Variants in RBM26 observed in about 807,000 individuals in gnomAD.
The protein encoded by RBM26 is RNA binding motif protein 26.
In RBM26, 30 loss-of-function variants were observed where a neutral mutation model predicts 123.6. The ratio of observed to expected loss-of-function variants is 0.24; its 90% CI spans 0.18 to 0.33. The LOEUF is 0.33. Among genes scored for constraint, RBM26 ranks in the 10% least tolerant of loss-of-function variants. The probability of loss-of-function intolerance (pLI) is 1.00; values close to 1 mark genes in which losing one functional copy is unlikely to be tolerated. For synonymous variants in RBM26, 400 were observed against 404.4 expected (o/e 0.99, Z 0.13); for missense variants, 947 against 1,203.6 (o/e 0.79, Z 3.15).
intron 13 of RBM26, among the ~76,000 whole-genome samples, chr13:79,354,012 T>TCC: frequency 6.6e-6 from 1 of 152,324 alleles, no homozygotes; most frequent in East Asian, 1.9e-4. Flanking sequence ...ACTTGATGGT[T>TCC]TAAGCCTTCC....
rs1002995746 is a variant in RBM26, at chr13:79,405,862, G to A, written c.-88C>T. The A allele has an allele frequency of 2.1e-5, 16 of 765,986 alleles. No individual in the cohort carries two copies. In the Admixed American group the frequency reaches 7.1e-4, roughly 34 times the overall value. 47.4% of individuals were successfully genotyped at this position (765,986 alleles called of 1,614,324 possible). On this transcript the variant is annotated 5_prime_UTR_variant, in exon 1 of 22. Coordinates refer to ENST00000438737, the MANE Select transcript of RBM26 (RefSeq NM_001366735.2). Reference sequence around the variant, plus strand: ...CCGCTGCCCCCGCCCCCTCCTCCGCGCGCCGCCCGCGTGGGCCGCGGTGGG... The same window carrying A: ...CCGCTGCCCCCGCCCCCTCCTCCGCACGCCGCCCGCGTGGGCCGCGGTGGG...
intron 11 of RBM26, among the ~76,000 whole-genome samples, chr13:79,356,836 C>G (rs1046299797): frequency 1.3e-5 from 2 of 151,952 alleles, no homozygotes; most frequent in African/African-American, 4.8e-5. Flanking sequence ...CAAATAGAAG[C>G]AATAGTGAGG....
At chr13:79,380,024 T>C (rs1285498578) in intron 1 of RBM26, among the ~76,000 whole-genome samples, 2 of 151,818 alleles carry the variant, frequency 1.3e-5, no homozygotes, top group Non-Finnish European at 2.9e-5. Context: ...ATTCTAAACA[T>C]GAGCTGGTGT....
chr13:79,372,143 G>C (rs929961837), intron 3 of RBM26, among the ~76,000 whole-genome samples: 1 of 152,148 alleles, frequency 6.6e-6, no homozygotes, highest in Admixed American at 6.6e-5. Context: ...GCTGGGCACA[G>C]TGGCAGGGGC....
chr13:79,316,319 G>T (rs2067152593), downstream of RBM26, among the ~76,000 whole-genome samples: 1 of 151,176 alleles, frequency 6.6e-6, no homozygotes, highest in African/African-American at 2.4e-5. Context: ...GGAGGGAAAA[G>T]AAAACATATT....
At chr13:79,320,997 A>G (rs1291875206) in intron 21 of RBM26, among the ~76,000 whole-genome samples, 4 of 151,252 alleles carry the variant, frequency 2.6e-5, no homozygotes. Context: ...CATCTTCTGT[A>G]CCTTTAAAAT....
At position 79,329,883 on chromosome 13, in the gene RBM26, A is replaced by T. The variant is rs116107087; in HGVS notation, c.2820+4461T>A. Among the ~76,000 whole-genome samples the T allele has an allele frequency of 6.8e-3, 1,040 of 152,280 alleles. 19 individuals carry two copies. The highest frequency in any genetic ancestry group is 0.023 in the African/African-American group (960 of 41,580). Reference sequence around the variant, plus strand: ...TAAGGCTCTATCATTCGAAGAGCCAACCTACGTTAAAACCTAAATGAAAAA... The same window carrying T: ...TAAGGCTCTATCATTCGAAGAGCCATCCTACGTTAAAACCTAAATGAAAAA... On this transcript the variant is annotated intron_variant, in intron 20 of 21. Coordinates refer to ENST00000438737, the MANE Select transcript of RBM26 (RefSeq NM_001366735.2).
At position 79,344,277 on chromosome 13, in the gene RBM26, T is replaced by C. The variant is rs1453006269; in HGVS notation, c.2230A>G (p.Ile744Val). The C allele has an allele frequency of 1.2e-6, 2 of 1,611,252 alleles. No individual in the cohort carries two copies. The highest frequency in any genetic ancestry group is 1.7e-6 in the Non-Finnish European group (2 of 1,177,830). The change falls in exon 16 of 22, where the codon ATT becomes GTT. Residue 744 changes from isoleucine (I) to valine (V), a missense_variant. By Grantham distance (29) the Ile-to-Val change is conservative. Coordinates refer to ENST00000438737, the MANE Select transcript of RBM26 (RefSeq NM_001366735.2). ...TGTGTTTCAATGTGCTTTTCTAAAA[T>C]TTCTTGTTTCCTTTTCCTTACATCC... Reference protein sequence around the residue: ...QQDVRKRKQEILEKHIETQKM... With the variant: ...QQDVRKRKQEVLEKHIETQKM...
At chr13:79,363,361 T>A (rs1164187351) in intron 9 of RBM26, among the ~76,000 whole-genome samples, 2 of 151,990 alleles carry the variant, frequency 1.3e-5, no homozygotes, top group African/African-American at 4.8e-5. Flanking sequence ...AAATTTAAAA[T>A]CCAAACTGGG....
intron 20 of RBM26, among the ~76,000 whole-genome samples, chr13:79,325,842 A>G (rs1330044774): frequency 6.6e-6 from 1 of 152,152 alleles, no homozygotes; most frequent in African/African-American, 2.4e-5. Flanking sequence ...AGTCCTGCAA[A>G]TGCCATTCAT....
rs902645067 is a variant in RBM26, at chr13:79,320,427, T to C, written c.*194A>G. ...TGTGATGTCTTTAGCAATTGTTTACTGAAGTAAAATGCAAACATCAATCTT... is the reference window on the plus strand; with the variant it reads ...TGTGATGTCTTTAGCAATTGTTTACCGAAGTAAAATGCAAACATCAATCTT... On this transcript the variant is annotated 3_prime_UTR_variant, in exon 22 of 22. Transcript: ENST00000438737. 12 of 1,230,820 alleles carry C rather than the reference T, an allele frequency of 9.7e-6. No homozygotes were observed. Among genetic ancestry groups the C allele is most frequent in the Non-Finnish European group, 1.1e-5 (11 of 982,010 alleles). The allele number at this position is 1,230,820 out of a possible 1,614,324, so 76.2% of individuals were successfully genotyped here. A position where few individuals can be genotyped will look rare whatever the true frequency, so the allele number is the denominator to read the frequency against.
intron 14 of RBM26, among the ~76,000 whole-genome samples, chr13:79,350,210 G>A (rs547220499): frequency 6.6e-6 from 1 of 152,226 alleles, no homozygotes; most frequent in African/African-American, 2.4e-5. Flanking sequence ...TCATCATGCA[G>A]AGACCAAGAT....
chr13:79,353,397 A>G (rs1003658357), intron 13 of RBM26, among the ~76,000 whole-genome samples, 173 bp from the exon 14 acceptor site: 7 of 152,220 alleles, frequency 4.6e-5, no homozygotes, highest in African/African-American at 1.4e-4. Flanking sequence ...TGGGAAAACA[A>G]AAATAAACAG....
intron 1 of RBM26, among the ~76,000 whole-genome samples, chr13:79,390,060 T>C (rs2077814754): frequency 6.6e-6 from 1 of 152,176 alleles, no homozygotes; most frequent in Non-Finnish European, 1.5e-5. Flanking sequence ...TTTTTACAGA[T>C]ATATGTTTAC....
chr13:79,397,130 G>A (rs2078639192), intron 1 of RBM26, among the ~76,000 whole-genome samples: 2 of 152,102 alleles, frequency 1.3e-5, no homozygotes, highest in South Asian at 2.1e-4. Context: ...GCAGTGAGTC[G>A]AGATTGCACC....
intron 17 of RBM26, among the ~76,000 whole-genome samples, chr13:79,341,434 A>G (rs562864535): frequency 4.8e-4 from 73 of 151,970 alleles, no homozygotes; most frequent in African/African-American, 1.4e-3. Context: ...TGATTTTCCT[A>G]TAATTCATTT....
At chr13:79,344,841 G>C in intron 14 of RBM26, 47 bp from the exon 15 acceptor site, 1 of 1,584,260 alleles carries the variant, frequency 6.3e-7, no homozygotes. Context: ...AGCCGTTCAT[G>C]ATATCCTATT....
intron 1 of RBM26, among the ~76,000 whole-genome samples, chr13:79,393,204 A>T (rs2140432136): frequency 6.6e-6 from 1 of 152,298 alleles, no homozygotes; most frequent in South Asian, 2.1e-4. Flanking sequence ...TACCATTCAA[A>T]AGACAAGGAA....
intron 18 of RBM26, 45 bp from the exon 19 acceptor site, chr13:79,337,347 A>C: frequency 6.2e-7 from 1 of 1,603,800 alleles, no homozygotes; most frequent in South Asian, 1.1e-5. Flanking sequence ...TGTGATTACT[A>C]ACACAAGCCA....
Sources: gnomAD v4.1 joint callset for allele counts (sites outside exome capture counted in the v4.1 genomes callset) on GRCh38, gnomAD v4.1.1 for gene constraint, MANE v1.5 for transcripts, NCBI Gene and HGNC (gene_info 2026-07-23, HGNC 2026-07-21) for gene names.